LMO7: variants seen among roughly 807,000 people sequenced by gnomAD.
LMO7 encodes the protein LIM domain 7.
LMO7 carries 120 observed loss-of-function variants against 206.5 expected under a neutral mutation model. The ratio of observed to expected loss-of-function variants is 0.58; its 90% CI spans 0.50 to 0.68. The LOEUF (loss-of-function observed/expected upper bound fraction) is 0.68. Ranked by LOEUF, LMO7 falls within the 30% of genes least tolerant of loss-of-function variation. The pLI, the probability that LMO7 is intolerant of heterozygous loss-of-function variation, is 0.00. For missense variants in LMO7, 1,959 were observed against 1,957.9 expected, an observed-to-expected ratio of 1.00 and a Z score of -0.01; for synonymous variants, 706 against 681.5, an observed-to-expected ratio of 1.04 and a Z score of -0.56.
At chr13:75,740,010 A>G (rs1236067868) in intron 3 of LMO7, among the ~76,000 whole-genome samples, 1 of 152,198 alleles carries the variant, frequency 6.6e-6, no homozygotes, top group Non-Finnish European at 1.5e-5. Context: ...GAAATAACAT[A>G]AAAAGTACAA....
intron 10 of LMO7, 50 bp from the exon 11 acceptor site, chr13:75,809,104 A>T (rs2055950564): frequency 7.0e-7 from 1 of 1,424,764 alleles, no homozygotes; most frequent in Admixed American, 1.7e-5. Context: ...TTAGAAACTA[A>T]TATGACTGGG....
rs879206527 is a variant in LMO7 at position 75,842,686 on chromosome 13, T to C, written c.4032-165T>C. On this transcript the variant is annotated intron_variant, in intron 24 of 30. Transcript: ENST00000377534. ...ATGTCTGTTGGCAATAGTGGGTCTA[T>C]TTTCTGTGGTTATTCATTGAAATAC... Among the ~76,000 whole-genome samples the C allele has an allele frequency of 2.0e-5, 3 of 152,194 alleles. No homozygotes were observed. The South Asian group carries it at 6.2e-4, about 32-fold the overall frequency.
chr13:75,851,701 AAG>A (rs139232592), intron 27 of LMO7, among the ~76,000 whole-genome samples: 17,218 of 152,236 alleles, frequency 0.11, 1,295 homozygotes, highest in African/African-American at 0.22. Flanking sequence ...CATGAATTTT[AAG>A]AGAGATTTTG....
At chr13:75,833,745 A>G (rs2058888035) in intron 16 of LMO7, among the ~76,000 whole-genome samples, 1 of 152,140 alleles carries the variant, frequency 6.6e-6, no homozygotes, top group Non-Finnish European at 1.5e-5. Context: ...TTTTAGCTAT[A>G]TAAAATTGCA....
intron 27 of LMO7, among the ~76,000 whole-genome samples, chr13:75,850,855 C>T (rs983452879): frequency 1.3e-4 from 19 of 151,748 alleles, no homozygotes; most frequent in South Asian, 4.2e-4. Context: ...AGTCTCAGCT[C>T]GTGAGCTGTG....
In LMO7 at chr13:75,740,398, G is replaced by A. The variant is rs557615510; in HGVS notation, c.210+13300G>A. On this transcript the variant is annotated intron_variant, in intron 3 of 30. Transcript: ENST00000377534. ...GAGCTCAAGAGTTTGAGGCTACAATGAGCTATGATTGCATCACTGCACTCC... is the reference window on the plus strand; with the variant it reads ...GAGCTCAAGAGTTTGAGGCTACAATAAGCTATGATTGCATCACTGCACTCC... 3.7e-4 allele frequency among the ~76,000 whole-genome samples: 57 copies of A among 152,352 alleles called. 1 individual carries two copies. Among genetic ancestry groups the A allele is most frequent in the Admixed American group, 3.3e-3 (50 of 15,302 alleles).
chr13:75,651,982 A>T (rs2139146094), intron 1 of LMO7, among the ~76,000 whole-genome samples: 1 of 152,312 alleles, frequency 6.6e-6, no homozygotes, highest in South Asian at 2.1e-4. Context: ...ACTGCCTCCA[A>T]CAATATGGGT....
chr13:75,822,771 T>C (rs922915051), intron 14 of LMO7, among the ~76,000 whole-genome samples: 1,931 of 94,720 alleles, frequency 0.02, 23 homozygotes, highest in Non-Finnish European at 0.03. Context: ...ACTATATATA[T>C]ATATATATAT....
intron 11 of LMO7, among the ~76,000 whole-genome samples, chr13:75,811,180 TTTTCTTTTTC>T (rs2056338998): frequency 6.6e-6 from 1 of 151,508 alleles, no homozygotes; most frequent in South Asian, 2.1e-4. Flanking sequence ...TACCACTACT[TTTTCTTTTTC>T]TTTCTTTTTT....
At chr13:75,758,159 A>G (rs2047841479) in intron 3 of LMO7, among the ~76,000 whole-genome samples, 1 of 152,142 alleles carries the variant, frequency 6.6e-6, no homozygotes, top group Non-Finnish European at 1.5e-5. Flanking sequence ...GTCCAATTAG[A>G]TAAGATTAGT....
chr13:75,783,739 C>T (rs1489373736), intron 4 of LMO7, among the ~76,000 whole-genome samples: 1 of 152,148 alleles, frequency 6.6e-6, no homozygotes, highest in Admixed American at 6.5e-5. Flanking sequence ...ATTCTTCCTG[C>T]ATTTACTATA....
chr13:75,680,072 C>G (rs2139483497), intron 1 of LMO7, among the ~76,000 whole-genome samples: 1 of 152,302 alleles, frequency 6.6e-6, no homozygotes, highest in African/African-American at 2.4e-5. Context: ...CCACAGGCCC[C>G]AGTATGTGTT....
At chr13:75,739,991 A>T (rs1182841275) in intron 3 of LMO7, among the ~76,000 whole-genome samples, 2 of 152,172 alleles carry the variant, frequency 1.3e-5, no homozygotes, top group Admixed American at 6.5e-5. Flanking sequence ...CTTCTTTCTC[A>T]TCTAAGTTGA....
chr13:75,768,328 T>A (rs979409404), intron 4 of LMO7, among the ~76,000 whole-genome samples: 9 of 152,024 alleles, frequency 5.9e-5, no homozygotes, highest in Non-Finnish European at 1.0e-4. Context: ...TTAAAACAAA[T>A]GTGTTTTTCT....
intron 4 of LMO7, among the ~76,000 whole-genome samples, chr13:75,777,634 A>G (rs1594904170): frequency 1.5e-5 from 2 of 135,680 alleles, no homozygotes; most frequent in African/African-American, 5.5e-5. Flanking sequence ...TTTACTTCTG[A>G]TTTTCTTTTC....
At chr13:75,782,078 G>A (rs1415227815) in intron 4 of LMO7, among the ~76,000 whole-genome samples, 3 of 152,050 alleles carry the variant, frequency 2.0e-5, no homozygotes, top group Admixed American at 6.6e-5. Context: ...TTTGCAAGTT[G>A]CCTGTTTACT....
At chr13:75,625,437 GTGTGTGTGTGTGTGTGTGCATGTGCA>G (rs1335829285) in intron 2 of LMO7, among the ~76,000 whole-genome samples, 1 of 37,648 alleles carries the variant, frequency 2.7e-5, no homozygotes, top group Non-Finnish European at 6.4e-5. Flanking sequence ...ATGTGTGTGT[GTGTGTGTGTGTGTGTGTGCATGTGCA>G]TGTGTGTGTG....
chr13:75,656,352 G>C (rs2038062503), intron 1 of LMO7, among the ~76,000 whole-genome samples: 1 of 152,150 alleles, frequency 6.6e-6, no homozygotes, highest in Non-Finnish European at 1.5e-5. Flanking sequence ...TTATTATTAT[G>C]CTTAAAAATG....
At chr13:75,683,896 A>T (rs1304587026) in intron 1 of LMO7, among the ~76,000 whole-genome samples, 1 of 152,192 alleles carries the variant, frequency 6.6e-6, no homozygotes, top group Non-Finnish European at 1.5e-5. Flanking sequence ...CTGAATGATG[A>T]TAAGGGATTG....
Sources: allele counts gnomAD v4.1 joint callset (sites outside exome capture counted in the v4.1 genomes callset), GRCh38; gene constraint gnomAD v4.1.1; transcripts MANE v1.5; gene names NCBI Gene and HGNC (gene_info 2026-07-23, HGNC 2026-07-21).